CNOT6L: variants seen among roughly 807,000 people sequenced by gnomAD.
CNOT6L encodes CCR4-NOT transcription complex subunit 6-like.
CNOT6L carries 7 observed loss-of-function variants against 64.0 expected under a neutral mutation model. The ratio of observed to expected loss-of-function variants is 0.11; its 90% CI spans 0.06 to 0.21. The LOEUF (loss-of-function observed/expected upper bound fraction) is 0.21. CNOT6L is among the 10% of genes least tolerant of loss of function. CNOT6L has a pLI of 1.00. For missense variants in CNOT6L, 245 were observed against 669.0 expected (o/e 0.37, Z 6.99); for synonymous variants, 193 against 243.4 (o/e 0.79, Z 1.93).
At chr4:77,789,445 G>C (rs1232030446) in intron 1 of CNOT6L, among the ~76,000 whole-genome samples, 1 of 152,104 alleles carries the variant, frequency 6.6e-6, no homozygotes, top group Non-Finnish European at 1.5e-5. Context: ...GGGAGGCTGA[G>C]GTGGGAGGGC....
intron 1 of CNOT6L, among the ~76,000 whole-genome samples, chr4:77,785,122 T>C (rs772354521): frequency 1.3e-5 from 2 of 152,142 alleles, no homozygotes; most frequent in African/African-American, 2.4e-5. Flanking sequence ...AAGCTGGAAA[T>C]AGACCCACAT....
At chr4:77,808,102 G>C (rs1160399136) in intron 1 of CNOT6L, among the ~76,000 whole-genome samples, 5 of 152,092 alleles carry the variant, frequency 3.3e-5, no homozygotes, top group Non-Finnish European at 7.4e-5. Context: ...CAGCAAAAAA[G>C]AATATGCAAC....
intron 1 of CNOT6L, among the ~76,000 whole-genome samples, chr4:77,783,175 T>C (rs374697294): frequency 0.015 from 1,916 of 130,334 alleles, 26 homozygotes; most frequent in Middle Eastern, 0.041. Context: ...AAAAAACACA[T>C]GTTTTATAAT....
intron 9 of CNOT6L, among the ~76,000 whole-genome samples, chr4:77,730,405 C>T (rs555820902): frequency 6.6e-6 from 1 of 151,934 alleles, no homozygotes; most frequent in Admixed American, 6.6e-5. Flanking sequence ...TACTAAATTC[C>T]CCTTCTATGA....
chr4:77,725,843 G>A (rs1469277181), intron 11 of CNOT6L, among the ~76,000 whole-genome samples: 1 of 152,082 alleles, frequency 6.6e-6, no homozygotes, highest in Admixed American at 6.6e-5. Flanking sequence ...TGAAAGTTAG[G>A]GATGGTTTGA....
intron 1 of CNOT6L, among the ~76,000 whole-genome samples, chr4:77,780,678 A>C (rs1343174761): frequency 6.6e-6 from 1 of 152,220 alleles, no homozygotes; most frequent in Non-Finnish European, 1.5e-5. Flanking sequence ...TTACATTAAA[A>C]AGTTTTAATC....
Position 77,715,720 on chromosome 4 carries a change from T to G in CNOT6L, c.*4711A>C, listed in dbSNP as rs1269517722. The G allele has an allele frequency of 6.6e-6, 1 of 152,454 alleles. No individual in the cohort carries two copies. Among genetic ancestry groups the G allele is most frequent in the South Asian group, 2.1e-4 (1 of 4,820 alleles). The allele number at this position is 152,454 out of a possible 1,614,324, so 9.4% of individuals were successfully genotyped here. On this transcript the variant is annotated 3_prime_UTR_variant, in exon 12 of 12. Coordinates refer to ENST00000504123, the MANE Select transcript of CNOT6L (RefSeq NM_144571.3). Reference sequence around the variant, plus strand: ...TTTTTTTCTTTCTTTCTGTGAATCTTGTTCAAGACATCCTGTAGTTTAGAT... The same window carrying G: ...TTTTTTTCTTTCTTTCTGTGAATCTGGTTCAAGACATCCTGTAGTTTAGAT...
At chr4:77,751,410 A>T (rs1015870850) in intron 5 of CNOT6L, among the ~76,000 whole-genome samples, 3 of 152,160 alleles carry the variant, frequency 2.0e-5, no homozygotes, top group Non-Finnish European at 4.4e-5. Context: ...ATAATTTTTT[A>T]AAAATATCTA....
Position 77,713,802 on chromosome 4 carries a change from G to A in CNOT6L, c.*6629C>T, listed in dbSNP as rs1317327961. ...AGCTGGTGATTTTGTCAGAGAGAAT[G>A]TGTTCAGTAAGAGTAGAACCACTTT... On this transcript the variant is annotated 3_prime_UTR_variant, in exon 12 of 12. Coordinates refer to ENST00000504123, the MANE Select transcript of CNOT6L (RefSeq NM_144571.3). 1.3e-5 allele frequency: 2 copies of A among 152,598 alleles called. No homozygotes were observed. Among genetic ancestry groups the A allele is most frequent in the South Asian group, 2.1e-4 (1 of 4,820 alleles). 9.5% of individuals were successfully genotyped at this position (152,598 alleles called of 1,614,324 possible).
chr4:77,735,707 A>T (rs116229699), intron 8 of CNOT6L, among the ~76,000 whole-genome samples: 25 of 152,318 alleles, frequency 1.6e-4, no homozygotes, highest in African/African-American at 5.5e-4. Flanking sequence ...CATAAATTGT[A>T]TAGAGCTGTT....
At position 77,717,622 on chromosome 4, in the gene CNOT6L, TC is replaced by T. The variant is rs1720887488; in HGVS notation, c.*2808del. Reference sequence around the variant, plus strand: ...ATATATATATATGTCATTCACCTCTTCCTTTTGGCTTCTCACTGCCAAAGTT... The same window carrying T: ...ATATATATATATGTCATTCACCTCTTCTTTTGGCTTCTCACTGCCAAAGTT... On this transcript the variant is annotated 3_prime_UTR_variant, in exon 12 of 12. Transcript: ENST00000504123. 6.6e-6 allele frequency: 1 copy of T among 152,446 alleles called. No individual in the cohort carries two copies. Among genetic ancestry groups the T allele is most frequent in the Admixed American group, 6.6e-5 (1 of 15,244 alleles). The allele number at this position is 152,446 out of a possible 1,614,324, so 9.4% of individuals were successfully genotyped here. A position where few individuals can be genotyped will look rare whatever the true frequency, so the allele number is the denominator to read the frequency against.
At chr4:77,735,833 C>G (rs903082010) in intron 8 of CNOT6L, among the ~76,000 whole-genome samples, 2 of 152,228 alleles carry the variant, frequency 1.3e-5, no homozygotes, top group Middle Eastern at 6.8e-3. Flanking sequence ...GCACTTTCAC[C>G]CAGCCTTTTC....
At chr4:77,819,466 G>C, upstream of CNOT6L, 1 of 1,477,818 alleles carries the variant, frequency 6.8e-7, no homozygotes, top group Non-Finnish European at 9.1e-7. Flanking sequence ...CCCACGGCGG[G>C]CCTCGCTCCC....
chr4:77,745,920 G>A lies in CNOT6L; in HGVS notation c.560-1045C>T, dbSNP rs181260326. On this transcript the variant is annotated intron_variant, in intron 6 of 11. Transcript: ENST00000504123. ...TGGAAAAGGTATTAAGAGAAACTCA[G>A]TTCAGTCCCCTGGGGGGTCTGACTG... Among the ~76,000 whole-genome samples, 233 of 152,340 alleles carry A rather than the reference G, an allele frequency of 1.5e-3. 1 individual carries two copies. The highest frequency in any genetic ancestry group is 5.4e-3 in the African/African-American group (223 of 41,584).
intron 8 of CNOT6L, among the ~76,000 whole-genome samples, chr4:77,736,842 T>A (rs542202789): frequency 1.3e-5 from 2 of 152,036 alleles, no homozygotes; most frequent in South Asian, 2.1e-4. Context: ...AGACGAAAGG[T>A]CAAATGGATA....
intron 4 of CNOT6L, among the ~76,000 whole-genome samples, chr4:77,769,074 C>G (rs995423928): frequency 6.6e-6 from 1 of 152,022 alleles, no homozygotes; most frequent in African/African-American, 2.4e-5. Flanking sequence ...TATCAGAATA[C>G]AATACAGCAG....
At chr4:77,743,132 A>G (rs1012824982) in intron 7 of CNOT6L, among the ~76,000 whole-genome samples, 2 of 152,192 alleles carry the variant, frequency 1.3e-5, no homozygotes, top group Non-Finnish European at 2.9e-5. Context: ...ATACTCCAGA[A>G]GTTTTAACAC....
chr4:77,749,267 T>C (rs1724579185), intron 5 of CNOT6L, among the ~76,000 whole-genome samples: 1 of 152,182 alleles, frequency 6.6e-6, no homozygotes, highest in African/African-American at 2.4e-5. Context: ...ATGAACTCTA[T>C]TTCATATATT....
intron 1 of CNOT6L, among the ~76,000 whole-genome samples, chr4:77,788,196 T>G (rs563417871): frequency 5.9e-5 from 9 of 152,240 alleles, no homozygotes; most frequent in African/African-American, 1.9e-4. Flanking sequence ...AAGCGAACAG[T>G]TTTTTAAAAA....
Sources: allele counts gnomAD v4.1 joint callset (sites outside exome capture counted in the v4.1 genomes callset), GRCh38; gene constraint gnomAD v4.1.1; transcripts MANE v1.5; gene names NCBI Gene and HGNC (gene_info 2026-07-23, HGNC 2026-07-21).